CRPPA: variants seen among roughly 807,000 people sequenced by gnomAD.
CRPPA encodes CDP-L-ribitol pyrophosphorylase A, also known as D-ribitol-5-phosphate cytidylyltransferase.
In CRPPA, 43 loss-of-function variants were observed where a neutral mutation model predicts 52.0. That is an observed-to-expected ratio of 0.83 (90% CI 0.65 to 1.07). CRPPA has a LOEUF of 1.07. Among genes scored for constraint, CRPPA ranks in the 50% least tolerant of loss-of-function variants. CRPPA has a pLI of 0.00. For missense variants in CRPPA, 629 were observed against 551.7 expected (o/e 1.14, Z -1.40); for synonymous variants, 250 against 203.5 (o/e 1.23, Z -1.94).
intron 9 of CRPPA, among the ~76,000 whole-genome samples, chr7:16,130,873 T>C (rs1283351355): frequency 6.6e-6 from 1 of 152,086 alleles, no homozygotes; most frequent in East Asian, 1.9e-4. Flanking sequence ...GATTAGGTCA[T>C]AAGGACAGAG....
intron 9 of CRPPA, among the ~76,000 whole-genome samples, chr7:16,212,244 A>C (rs1329723579): frequency 6.6e-6 from 1 of 152,168 alleles, no homozygotes; most frequent in Admixed American, 6.5e-5. Flanking sequence ...AATTAGTGCC[A>C]TCCTTTCCAA....
intron 1 of CRPPA, among the ~76,000 whole-genome samples, chr7:16,412,335 A>C (rs1381135224): frequency 6.6e-6 from 1 of 152,206 alleles, no homozygotes; most frequent in Admixed American, 6.5e-5. Context: ...CGTAGCACAG[A>C]GATAGGTTGT....
intron 9 of CRPPA, among the ~76,000 whole-genome samples, chr7:16,211,728 A>G (rs1229228737): frequency 6.6e-5 from 10 of 152,170 alleles, no homozygotes; most frequent in Admixed American, 6.5e-4. Flanking sequence ...GGTACCCTAT[A>G]CATTCAGATC....
rs1020670347 is a variant in CRPPA at position 16,109,111 on chromosome 7, G to C, written c.1252-17312C>G. Among the ~76,000 whole-genome samples, 4 of 151,774 alleles carry C rather than the reference G, an allele frequency of 2.6e-5. No homozygotes were observed. In the South Asian group the frequency reaches 8.3e-4, roughly 32 times the overall value. On this transcript the variant is annotated intron_variant, in intron 9 of 9. Coordinates refer to ENST00000407010, the MANE Select transcript of CRPPA (RefSeq NM_001101426.4). ...GCAAAAGTAAATATAAGAGATTAGA[G>C]GACAACATAAAACATAAATAAAACT...
chr7:16,236,159 G>A (rs916965437), intron 8 of CRPPA, among the ~76,000 whole-genome samples: 2 of 152,058 alleles, frequency 1.3e-5, no homozygotes, highest in African/African-American at 4.8e-5. Context: ...AAACAACTCA[G>A]AACTCAGTCA....
At chr7:16,416,243 T>C (rs1346387373) in intron 1 of CRPPA, among the ~76,000 whole-genome samples, 4 of 152,040 alleles carry the variant, frequency 2.6e-5, no homozygotes, top group Non-Finnish European at 5.9e-5. Flanking sequence ...GAAATAAAGT[T>C]GCCAAAAATA....
At chr7:16,183,477 C>A (rs1353505716) in intron 9 of CRPPA, among the ~76,000 whole-genome samples, 1 of 152,194 alleles carries the variant, frequency 6.6e-6, no homozygotes, top group Non-Finnish European at 1.5e-5. Context: ...ACTGAACAGT[C>A]TCAGGCTGTT....
chr7:16,256,697 A>C (rs1783650044), intron 8 of CRPPA, among the ~76,000 whole-genome samples: 1 of 152,062 alleles, frequency 6.6e-6, no homozygotes, highest in Admixed American at 6.6e-5. Context: ...CTCACTCATA[A>C]GTGGTAGCTG....
At chr7:16,302,221 G>C (rs559348843) in intron 4 of CRPPA, among the ~76,000 whole-genome samples, 2 of 150,672 alleles carry the variant, frequency 1.3e-5, no homozygotes, top group African/African-American at 4.9e-5. Flanking sequence ...GCGTGAACCC[G>C]GGAGGCGGAG....
chr7:16,155,545 G>A lies in CRPPA; in HGVS notation c.1251+60521C>T, dbSNP rs550277833. ...TGCCCACTCAGCATGAAGATGATGA[G>A]GATAAAGACCTTTATGATGATCTGC... On this transcript the variant is annotated intron_variant, in intron 9 of 9. Coordinates refer to ENST00000407010, the MANE Select transcript of CRPPA (RefSeq NM_001101426.4). Among the ~76,000 whole-genome samples the A allele has an allele frequency of 7.2e-5, 11 of 152,270 alleles. No homozygotes were observed. In the South Asian group the frequency reaches 1.7e-3, roughly 23 times the overall value.
intron 2 of CRPPA, among the ~76,000 whole-genome samples, chr7:16,388,110 A>G (rs1787340130): frequency 6.6e-6 from 1 of 152,130 alleles, no homozygotes; most frequent in Non-Finnish European, 1.5e-5. Flanking sequence ...CAGCCTCCCA[A>G]GTAGCTGGGA....
intron 9 of CRPPA, among the ~76,000 whole-genome samples, chr7:16,190,187 G>A (rs368020597): frequency 1.3e-5 from 2 of 152,262 alleles, no homozygotes; most frequent in East Asian, 3.9e-4. Context: ...ATATCTACTA[G>A]CATGTGCCTA....
At chr7:16,258,507 A>G in intron 7 of CRPPA, 25 bp from the exon 8 acceptor site, 1 of 1,398,812 alleles carries the variant, frequency 7.1e-7, no homozygotes, top group Non-Finnish European at 9.9e-7. Flanking sequence ...AAATAAAAGG[A>G]TATGAGAAGA....
Position 16,397,433 on chromosome 7 carries a change from A to G in CRPPA, c.534+8628T>C, listed in dbSNP as rs1307999319. On this transcript the variant is annotated intron_variant, in intron 2 of 9. Transcript: ENST00000407010. ...AATGGACACGTGACTGACACGTGTA[A>G]CGTGTGATGTAACAGACGTGACACG... 3.3e-5 allele frequency among the ~76,000 whole-genome samples: 5 copies of G among 152,302 alleles called. No homozygotes were observed. In the East Asian group the frequency reaches 9.7e-4, roughly 30 times the overall value.
At chr7:16,200,198 G>T (rs897096532) in intron 9 of CRPPA, among the ~76,000 whole-genome samples, 1 of 152,134 alleles carries the variant, frequency 6.6e-6, no homozygotes, top group Non-Finnish European at 1.5e-5. Flanking sequence ...TTCTACGGAC[G>T]TTACTGCTTT....
intron 3 of CRPPA, among the ~76,000 whole-genome samples, chr7:16,325,899 G>C (rs1785373416): frequency 6.6e-6 from 1 of 152,014 alleles, no homozygotes; most frequent in African/African-American, 2.4e-5. Context: ...TAGCATCTTG[G>C]TTATATGTAG....
chr7:16,200,445 A>T (rs79643856), intron 9 of CRPPA, among the ~76,000 whole-genome samples: 13 of 152,316 alleles, frequency 8.5e-5, no homozygotes, highest in African/African-American at 3.1e-4. Context: ...GACAATGATC[A>T]TGTGGGAGTA....
intron 3 of CRPPA, among the ~76,000 whole-genome samples, chr7:16,317,576 A>C (rs1785171385): frequency 6.6e-6 from 1 of 152,126 alleles, no homozygotes; most frequent in Non-Finnish European, 1.5e-5. Context: ...TGTTGTTAAA[A>C]ATAGTGGGAT....
At chr7:16,139,892 C>T (rs1185978290) in intron 9 of CRPPA, among the ~76,000 whole-genome samples, 1 of 151,796 alleles carries the variant, frequency 6.6e-6, no homozygotes, top group Non-Finnish European at 1.5e-5. Flanking sequence ...TTTTCCAGAG[C>T]AGATAATCTG....
Sources: allele counts gnomAD v4.1 joint callset (sites outside exome capture counted in the v4.1 genomes callset), GRCh38; gene constraint gnomAD v4.1.1; transcripts MANE v1.5; gene names NCBI Gene and HGNC (gene_info 2026-07-23, HGNC 2026-07-21).